The following MDGA1 variants were observed in gnomAD, a reference collection of about 807,000 sequenced individuals.
MDGA1 encodes MAM domain-containing glycosylphosphatidylinositol anchor protein 1.
In MDGA1, 54 loss-of-function variants were observed where a neutral mutation model predicts 101.5. That is an observed-to-expected ratio of 0.53 (90% CI 0.43 to 0.67). The LOEUF is 0.67. Ranked by LOEUF, MDGA1 falls within the 30% of genes least tolerant of loss-of-function variation. MDGA1 has a pLI of 0.00. For synonymous variants in MDGA1, 533 were observed against 558.3 expected, an observed-to-expected ratio of 0.95 and a Z score of 0.64; for missense variants, 1,083 against 1,323.8, an observed-to-expected ratio of 0.82 and a Z score of 2.82.
At chr6:37,663,230 T>G (rs192973506) in intron 2 of MDGA1, among the ~76,000 whole-genome samples, 17 of 152,316 alleles carry the variant, frequency 1.1e-4, no homozygotes, top group Non-Finnish European at 1.5e-5. Context: ...GGCCAGTGCT[T>G]CCTGCCTGAG....
chr6:37,666,395 A>T (rs1035198396), intron 1 of MDGA1, among the ~76,000 whole-genome samples: 4 of 151,976 alleles, frequency 2.6e-5, no homozygotes, highest in African/African-American at 9.7e-5. Context: ...AAAAAGAAAT[A>T]AAGTTGTCTT....
chr6:37,638,120 A>T lies in MDGA1; in HGVS notation c.2776+85T>A. 8.8e-7 allele frequency: 1 copy of T among 1,138,620 alleles called. No homozygotes were observed. 70.5% of individuals were successfully genotyped at this position (1,138,620 alleles called of 1,614,324 possible). A position where few individuals can be genotyped will look rare whatever the true frequency, so the allele number is the denominator to read the frequency against. The stretch of plus-strand genomic sequence containing the variant: ...ACATTCTGAACCCCTATTCAGACCC[A>T]AACACCCTCCCTCAACAGACAGGAA... On this transcript the variant is annotated intron_variant, in intron 16 of 16. Transcript: ENST00000434837. The surrounding 1 kb of genome is among the most constrained non-coding windows in gnomAD (Gnocchi z 4.8).
chr6:37,664,722 G>A (rs1761705971), intron 1 of MDGA1, among the ~76,000 whole-genome samples: 1 of 149,804 alleles, frequency 6.7e-6, no homozygotes, highest in Non-Finnish European at 1.5e-5. Context: ...ATCTTTGCTT[G>A]GCTGCCTCAC....
At chr6:37,692,082 C>T (rs73734244) in intron 1 of MDGA1, among the ~76,000 whole-genome samples, 6,204 of 152,260 alleles carry the variant, frequency 0.041, 392 homozygotes, top group African/African-American at 0.14. Flanking sequence ...CCCTAAGGAA[C>T]CCTTTTCAGC....
In MDGA1 at chr6:37,696,409, G is replaced by A. The variant is rs1314915872; in HGVS notation, c.67+336C>T. Among the ~76,000 whole-genome samples, 3 of 152,338 alleles carry A rather than the reference G, an allele frequency of 2.0e-5. No individual in the cohort carries two copies. In the East Asian group the frequency reaches 5.8e-4, roughly 29 times the overall value. ...GGCCGAGCCAGGACGAGGTTTCGGT[G>A]CAAGTCGCTGCACCAGTCCTAGACT... On this transcript the variant is annotated intron_variant, in intron 1 of 16. Coordinates refer to ENST00000434837, the MANE Select transcript of MDGA1 (RefSeq NM_153487.4). This position sits in a 1 kb window ranked among gnomAD's most constrained non-coding sequence, Gnocchi z 5.6.
In MDGA1 at chr6:37,632,617, CT is replaced by C. The variant is rs888948429; in HGVS notation, c.*4750del. 1.3e-5 allele frequency: 2 copies of C among 152,670 alleles called. No homozygotes were observed. Among genetic ancestry groups the C allele is most frequent in the African/African-American group, 4.8e-5 (2 of 41,438 alleles). 9.5% of individuals were successfully genotyped at this position (152,670 alleles called of 1,614,324 possible). On this transcript the variant is annotated 3_prime_UTR_variant, in exon 17 of 17. Coordinates refer to ENST00000434837, the MANE Select transcript of MDGA1 (RefSeq NM_153487.4). ...AAGAGAGGCAAATGGGGAACAGAGG[CT>C]GGGGTGGAGACAGACAGCAAGGCAA...
At chr6:37,668,769 C>A (rs115878134) in intron 1 of MDGA1, among the ~76,000 whole-genome samples, 1 of 152,212 alleles carries the variant, frequency 6.6e-6, no homozygotes, top group East Asian at 1.9e-4. Flanking sequence ...AGGCCTAACA[C>A]CGATTGCCCT....
Position 37,655,838 on chromosome 6 carries a change from G to A in MDGA1, c.441C>T (p.Phe147=). The A allele has an allele frequency of 6.2e-7, 1 of 1,613,756 alleles. No homozygotes were observed. Among genetic ancestry groups the A allele is most frequent in the Non-Finnish European group, 8.5e-7 (1 of 1,179,816 alleles). Residue 147 remains phenylalanine (F), a synonymous_variant, in exon 4 of 17, where the codon TTC becomes TTT. Transcript: ENST00000434837. This position sits in a 1 kb window ranked among gnomAD's most constrained non-coding sequence, Gnocchi z 5.1. Reference sequence around the variant, plus strand: ...GCAGGAACACCGTCTTCTCCTGGTAGAAGTTGCCTCGCACATCGCTCACCG... The same window carrying A: ...GCAGGAACACCGTCTTCTCCTGGTAAAAGTTGCCTCGCACATCGCTCACCG... ...HQTVSDVRGN[F]YQEKTVFLRC...
intron 3 of MDGA1, among the ~76,000 whole-genome samples, chr6:37,656,979 A>G (rs1051141819): frequency 1.3e-5 from 2 of 152,106 alleles, no homozygotes; most frequent in Non-Finnish European, 2.9e-5. Flanking sequence ...GTCAAAAGTC[A>G]GAACAATGAT....
At chr6:37,659,389 T>C (rs1286389594) in intron 2 of MDGA1, among the ~76,000 whole-genome samples, 1 of 152,250 alleles carries the variant, frequency 6.6e-6, no homozygotes, top group East Asian at 1.9e-4. Flanking sequence ...CTATGTGCGG[T>C]GTCTGGTATA....
chr6:37,687,425 C>T (rs544317602), intron 1 of MDGA1, among the ~76,000 whole-genome samples: 4 of 147,420 alleles, frequency 2.7e-5, no homozygotes, highest in South Asian at 2.2e-4. Flanking sequence ...AAAAGTTAGC[C>T]GGGCATGGTG....
rs1267283712 is a variant in MDGA1, at chr6:37,696,084, G to A, written c.67+661C>T. Among the ~76,000 whole-genome samples, 4 of 152,330 alleles carry A rather than the reference G, an allele frequency of 2.6e-5. No homozygotes were observed. Among genetic ancestry groups the A allele is most frequent in the South Asian group, 2.1e-4 (1 of 4,824 alleles). On this transcript the variant is annotated intron_variant, in intron 1 of 16. Coordinates refer to ENST00000434837, the MANE Select transcript of MDGA1 (RefSeq NM_153487.4). This position sits in a 1 kb window ranked among gnomAD's most constrained non-coding sequence, Gnocchi z 5.6. ...GCCGTGTTTGCGTTTTCTGGGGATG[G>A]TGGCTGAATGTATCTGTGTGTGCGC...
intron 10 of MDGA1, 35 bp downstream of exon 10, chr6:37,647,138 A>G: frequency 6.4e-7 from 1 of 1,562,600 alleles, no homozygotes. Context: ...ACCACACTCC[A>G]CCTGCCCCCA....
chr6:37,644,043 GTGCCTCGCCCCACGCATCC>G (rs1764159225), intron 13 of MDGA1, 100 bp from the exon 14 acceptor site: 7 of 1,476,956 alleles, frequency 4.7e-6, no homozygotes, highest in Non-Finnish European at 6.3e-6. Flanking sequence ...TGAATCTGAA[GTGCCTCGCCCCACGCATCC>G]TGCCTCACCC....
chr6:37,675,779 G>A (rs995791013), intron 1 of MDGA1, among the ~76,000 whole-genome samples: 60 of 152,274 alleles, frequency 3.9e-4, no homozygotes, highest in African/African-American at 1.4e-3. Flanking sequence ...CTGGATCCCA[G>A]AAAGGAAAGT....
chr6:37,681,753 TAC>T (rs3997719), intron 1 of MDGA1, among the ~76,000 whole-genome samples: 128,782 of 151,962 alleles, frequency 0.85, 55,024 homozygotes, highest in African/African-American at 0.96. Context: ...TATACACAGA[TAC>T]ACACACACAC....
At position 37,658,380 on chromosome 6, in the gene MDGA1, A is replaced by T; in HGVS notation, c.247T>A (p.Phe83Ile). 6.2e-7 allele frequency: 1 copy of T among 1,612,248 alleles called. No homozygotes were observed. The highest frequency in any genetic ancestry group is 8.5e-7 in the Non-Finnish European group (1 of 1,179,316). ...TCGTTGAACACCGATGTCTCCTGGAACTTGTCCGAGGCGCTACCTGCCGTC... is the reference window on the plus strand; with the variant it reads ...TCGTTGAACACCGATGTCTCCTGGATCTTGTCCGAGGCGCTACCTGCCGTC... Reference protein sequence around the residue: ...TKTAGSASDKFQETSVFNETL... With the variant: ...TKTAGSASDKIQETSVFNETL... The change falls in exon 3 of 17, where the codon TTC (phenylalanine) becomes ATC (isoleucine). Residue 83 changes from phenylalanine (F) to isoleucine (I), a missense_variant. Phe to Ile is a conservative substitution (Grantham distance 21, BLOSUM62 0). Around this residue, in one of 3 missense-constraint regions of MDGA1, gnomAD observed 310 missense variants for 355.9 expected, o/e 0.87. Transcript: ENST00000434837.
intron 16 of MDGA1, chr6:37,637,855 T>C (rs1763965085): frequency 3.8e-6 from 2 of 526,914 alleles, no homozygotes; most frequent in Non-Finnish European, 6.6e-6. Context: ...GCTCAGTAAG[T>C]AGGAGCTGTT....
At chr6:37,694,540 G>A (rs1007790719) in intron 1 of MDGA1, among the ~76,000 whole-genome samples, 12 of 152,186 alleles carry the variant, frequency 7.9e-5, no homozygotes, top group African/African-American at 2.9e-4. Flanking sequence ...GGGGAGGGGG[G>A]CAGAAGAACT....
Sources: gnomAD v4.1 joint callset for allele counts (sites outside exome capture counted in the v4.1 genomes callset) on GRCh38, gnomAD v4.1.1 for gene constraint, gnomAD v4.1.1 regional missense constraint, Gnocchi (gnomAD v3.1) non-coding constraint, MANE v1.5 for transcripts, NCBI Gene and HGNC (gene_info 2026-07-23, HGNC 2026-07-21) for gene names.